RPS6KC1: variants seen among roughly 807,000 people sequenced by gnomAD.
RPS6KC1 encodes the protein ribosomal protein S6 kinase C1.
Under a neutral mutation model 103.8 loss-of-function variants are expected in RPS6KC1, and 54 were observed. The observed-to-expected ratio is 0.52, with a 90% confidence interval of 0.42 to 0.65. RPS6KC1 has a LOEUF of 0.65. Ranked by LOEUF, RPS6KC1 falls within the 30% of genes least tolerant of loss-of-function variation. The probability of loss-of-function intolerance (pLI) is 0.00; values close to 1 mark genes in which losing one functional copy is unlikely to be tolerated. For synonymous variants in RPS6KC1, 439 were observed against 438.7 expected (o/e 1.00, Z -0.01); for missense variants, 1,151 against 1,253.8 (o/e 0.92, Z 1.24).
intron 1 of RPS6KC1, among the ~76,000 whole-genome samples, chr1:213,069,291 A>C (rs1054276862): frequency 6.6e-6 from 1 of 152,128 alleles, no homozygotes; most frequent in Non-Finnish European, 1.5e-5. Context: ...ATATATTCTG[A>C]AAGTTGGAGA....
rs1327808333 is a variant in RPS6KC1, at chr1:213,241,155, G to A, written c.1679G>A (p.Ser560Asn). ...GCACACCTTGCTGCTGACAGTGACA[G>A]CCCCAGCACACAGCTGAGAGCTCAC... ...FPAHLAADSDSPSTQLRAHEL... is the reference protein window; with the variant it reads ...FPAHLAADSDNPSTQLRAHEL... The change falls in exon 11 of 15, where the codon AGC becomes AAC. Residue 560 changes from serine to asparagine, a missense_variant. Transcript: ENST00000366960. 1 of 1,613,756 alleles carries A rather than the reference G, an allele frequency of 6.2e-7. No individual in the cohort carries two copies. The highest frequency in any genetic ancestry group is 8.5e-7 in the Non-Finnish European group (1 of 1,179,918).
At chr1:213,601,008 T>G in the RPS6KC1 span, among the ~76,000 whole-genome samples, 17 of 152,296 alleles carry the variant, frequency 1.1e-4, no homozygotes, top group East Asian at 3.3e-3. Flanking sequence ...GGTGAAGCCA[T>G]GCTTTGCAAG....
intron 4 of RPS6KC1, among the ~76,000 whole-genome samples, chr1:213,108,855 G>A (rs1159627402): frequency 7.2e-5 from 11 of 151,796 alleles, no homozygotes; most frequent in African/African-American, 2.7e-4. Context: ...TCACTGTGTT[G>A]CCCAGGCTGG....
the RPS6KC1 span, among the ~76,000 whole-genome samples, chr1:213,699,646 T>G: frequency 1.3e-5 from 2 of 152,094 alleles, no homozygotes; most frequent in Admixed American, 1.3e-4. Flanking sequence ...TATTTTGAAC[T>G]AATTTACATT....
In RPS6KC1 at chr1:213,185,070, A is replaced by C. The variant is rs114147267; in HGVS notation, c.1044+8578A>C. On this transcript the variant is annotated intron_variant, in intron 8 of 14. Coordinates refer to ENST00000366960, the MANE Select transcript of RPS6KC1 (RefSeq NM_012424.6). Reference sequence around the variant, plus strand: ...CCGCTGGATGATCTGTCCATTACTGAGAGTGGCAGTTAGAGTCTGCTACTA... The same window carrying C: ...CCGCTGGATGATCTGTCCATTACTGCGAGTGGCAGTTAGAGTCTGCTACTA... 7.1e-3 allele frequency among the ~76,000 whole-genome samples: 1,074 copies of C among 152,284 alleles called. 7 individuals are homozygous for C. Among genetic ancestry groups the C allele is most frequent in the Middle Eastern group, 0.02 (6 of 294 alleles).
At chr1:213,137,752 G>GCGCTCTCTCTCTCT (rs1553340080) in intron 6 of RPS6KC1, among the ~76,000 whole-genome samples, 5 of 12,206 alleles carry the variant, frequency 4.1e-4, no homozygotes, top group African/African-American at 9.1e-4. Context: ...AGTCCAGTTT[G>GCGCTCTCTCTCTCT]CTCTCTCTCT....
chr1:213,298,885 C>T, the RPS6KC1 span, among the ~76,000 whole-genome samples: 13 of 152,158 alleles, frequency 8.5e-5, no homozygotes, highest in African/African-American at 3.1e-4. Context: ...TTCTCCCCTC[C>T]CCTTCATGGC....
chr1:213,754,669 C>A, the RPS6KC1 span, among the ~76,000 whole-genome samples: 3 of 152,192 alleles, frequency 2.0e-5, no homozygotes, highest in Non-Finnish European at 4.4e-5. Flanking sequence ...GCAGATGCTG[C>A]CGTGCTTCCT....
the RPS6KC1 span, among the ~76,000 whole-genome samples, chr1:213,463,739 C>T: frequency 6.6e-6 from 1 of 152,128 alleles, no homozygotes; most frequent in Non-Finnish European, 1.5e-5. Flanking sequence ...TCAGGTCCCT[C>T]CTCTCTGAAA....
the RPS6KC1 span, among the ~76,000 whole-genome samples, chr1:213,665,608 T>A: frequency 6.6e-6 from 1 of 152,208 alleles, no homozygotes. Flanking sequence ...GGAGCAGCCT[T>A]TTGAAGATCA....
chr1:213,326,580 A>G, the RPS6KC1 span, among the ~76,000 whole-genome samples: 1 of 152,156 alleles, frequency 6.6e-6, no homozygotes, highest in African/African-American at 2.4e-5. Context: ...CCCCCCAAAC[A>G]ATATGCTTCC....
chr1:213,748,538 T>C, the RPS6KC1 span, among the ~76,000 whole-genome samples: 1 of 152,214 alleles, frequency 6.6e-6, no homozygotes, highest in Non-Finnish European at 1.5e-5. Context: ...TCTACAATTA[T>C]GGAGAGAAGT....
chr1:213,225,866 T>C (rs533237095), intron 8 of RPS6KC1, among the ~76,000 whole-genome samples: 16 of 152,338 alleles, frequency 1.1e-4, no homozygotes, highest in Admixed American at 9.1e-4. Context: ...TGAGATGTGT[T>C]CTACTTTATA....
chr1:213,666,733 A>G, the RPS6KC1 span, among the ~76,000 whole-genome samples: 2 of 152,184 alleles, frequency 1.3e-5, no homozygotes, highest in South Asian at 4.1e-4. Context: ...CTAAGGCAAA[A>G]CCAAAACAAG....
the RPS6KC1 span, among the ~76,000 whole-genome samples, chr1:213,728,935 G>C: frequency 4.0e-5 from 3 of 74,710 alleles, no homozygotes; most frequent in Non-Finnish European, 7.1e-5. Flanking sequence ...CAGAACATGA[G>C]GGTTTTTTTT....
the RPS6KC1 span, among the ~76,000 whole-genome samples, chr1:213,560,826 G>T: frequency 6.6e-6 from 1 of 152,174 alleles, no homozygotes; most frequent in Non-Finnish European, 1.5e-5. Context: ...ACAGTTGGGG[G>T]AATCCTGAGC....
chr1:213,410,426 T>C, the RPS6KC1 span, among the ~76,000 whole-genome samples: 1 of 151,988 alleles, frequency 6.6e-6, no homozygotes, highest in Non-Finnish European at 1.5e-5. Context: ...TTCCAGGGCC[T>C]CCAAAGTCTT....
the RPS6KC1 span, among the ~76,000 whole-genome samples, chr1:213,652,931 T>A: frequency 6.6e-6 from 1 of 152,244 alleles, no homozygotes; most frequent in African/African-American, 2.4e-5. Context: ...GTTTGTCATG[T>A]AGCAAAGGCT....
chr1:213,481,232 G>T, the RPS6KC1 span, among the ~76,000 whole-genome samples: 5 of 152,156 alleles, frequency 3.3e-5, no homozygotes, highest in Admixed American at 3.3e-4. Flanking sequence ...TTTATGTGAT[G>T]TCAGTTCTTT....
Sources: gnomAD v4.1 joint callset for allele counts (sites outside exome capture counted in the v4.1 genomes callset) on GRCh38, gnomAD v4.1.1 for gene constraint, MANE v1.5 for transcripts, NCBI Gene and HGNC (gene_info 2026-07-23, HGNC 2026-07-21) for gene names.